The following UVSSA variants were observed in gnomAD, a reference collection of about 807,000 sequenced individuals.
UVSSA encodes UV-stimulated scaffold protein A.
In UVSSA, 72 loss-of-function variants were observed where a neutral mutation model predicts 73.9. That is an observed-to-expected ratio of 0.97 (90% CI 0.81 to 1.19). The LOEUF (loss-of-function observed/expected upper bound fraction) is 1.19. UVSSA is among the 50% of genes most tolerant of loss of function. The pLI, the probability that UVSSA is intolerant of heterozygous loss-of-function variation, is 0.00. For synonymous variants in UVSSA, 454 were observed against 391.3 expected (o/e 1.16, Z -1.89); for missense variants, 1,150 against 965.0 (o/e 1.19, Z -2.54).
At chr4:1,367,965 G>C (rs567497185) in intron 8 of UVSSA, among the ~76,000 whole-genome samples, 22 of 152,388 alleles carry the variant, frequency 1.4e-4, no homozygotes, top group Admixed American at 2.0e-4. Context: ...GGGGGTGCCT[G>C]AGCACACCGT....
chr4:1,375,619 G>T (rs1577360745), intron 9 of UVSSA, 111 bp downstream of exon 9: 1 of 1,486,836 alleles, frequency 6.7e-7, no homozygotes, highest in East Asian at 2.3e-5. Context: ...TGGATATCTT[G>T]GTGGAAGCCT....
At chr4:1,383,332 CACAGTT>C (rs1204389968) in intron 12 of UVSSA, among the ~76,000 whole-genome samples, 9 of 152,226 alleles carry the variant, frequency 5.9e-5, no homozygotes, top group African/African-American at 1.9e-4. Context: ...CCAGCAGGGC[CACAGTT>C]TGCCTAGTGG....
At chr4:1,350,423 T>A (rs575082646) in intron 3 of UVSSA, among the ~76,000 whole-genome samples, 1 of 152,278 alleles carries the variant, frequency 6.6e-6, no homozygotes, top group African/African-American at 2.4e-5. Context: ...TGTGTGCCCT[T>A]GGAGTGCCCT....
chr4:1,394,930 C>T (rs759678207), exon 14 of UVSSA: 9 of 1,430,160 alleles, frequency 6.3e-6, no homozygotes, highest in African/African-American at 1.6e-5. Context: ...CCTGCTCACA[C>T]GTGCCCATGC....
chr4:1,375,564 G>A (rs1718666246), intron 9 of UVSSA, 56 bp downstream of exon 9: 4 of 1,574,826 alleles, frequency 2.5e-6, no homozygotes, highest in Non-Finnish European at 3.4e-6. Context: ...CACAGCCTCT[G>A]CCCAGAGCAC....
chr4:1,344,582 C>T (rs1713545350), upstream of UVSSA, among the ~76,000 whole-genome samples: 1 of 152,166 alleles, frequency 6.6e-6, no homozygotes, highest in Non-Finnish European at 1.5e-5. Context: ...TCGTCTAACT[C>T]TCATCATGAT....
rs1717026244 is a variant in UVSSA at position 1,364,327 on chromosome 4, G to A, written c.1177-1993G>A. On this transcript the variant is annotated intron_variant, in intron 7 of 13. Transcript: ENST00000389851. ...CATTGTGTGGCCTGGCTCCGTGGGG[G>A]CCACCTCCCCGCACGGTGCTGGTGC... 1.3e-5 allele frequency among the ~76,000 whole-genome samples: 2 copies of A among 148,352 alleles called. 1 individual carries two copies. Among genetic ancestry groups the A allele is most frequent in the African/African-American group, 5.0e-5 (2 of 40,202 alleles).
chr4:1,350,236 G>T (rs1394242834), intron 3 of UVSSA, among the ~76,000 whole-genome samples: 1 of 152,162 alleles, frequency 6.6e-6, no homozygotes, highest in Non-Finnish European at 1.5e-5. Flanking sequence ...GCACTTTAAG[G>T]CTCCACCCGC....
In UVSSA at chr4:1,376,068, C is replaced by T. The variant is rs1718728662; in HGVS notation, c.1468C>T (p.Gln490Ter). 6.2e-7 allele frequency: 1 copy of T among 1,601,128 alleles called. No homozygotes were observed. The highest frequency in any genetic ancestry group is 1.1e-5 in the South Asian group (1 of 89,062). ...AGCGTTGCCAGAGCCACAGGAGGCC[C>T]AGAAGCTGGCAGCAGAGCGGGCCCG... is the stretch of plus-strand genomic sequence containing the variant. ...SRALPEPQEAQKLAAERARAP... is the reference protein window; with the variant it reads ...SRALPEPQEA The change falls in exon 10 of 14, where the codon CAG becomes TAG. Residue 490 changes from glutamine to a stop codon, truncating the protein, a stop_gained. Coordinates refer to ENST00000389851, the MANE Select transcript of UVSSA (RefSeq NM_020894.4). LOFTEE classifies it high-confidence loss of function.
chr4:1,363,790 G>A (rs1307818734), intron 7 of UVSSA, among the ~76,000 whole-genome samples: 1 of 152,244 alleles, frequency 6.6e-6, no homozygotes, highest in Non-Finnish European at 1.5e-5. Context: ...ACGTTTCACA[G>A]GTCAGCGGTG....
chr4:1,389,729 C>T (rs1720359962), downstream of UVSSA: 2 of 151,818 alleles, frequency 1.3e-5, no homozygotes. Flanking sequence ...CTGTGTTGTC[C>T]AGGCTGATCT....
At chr4:1,348,905 C>T (rs570592262) in intron 2 of UVSSA, among the ~76,000 whole-genome samples, 33 of 152,288 alleles carry the variant, frequency 2.2e-4, no homozygotes, top group African/African-American at 6.5e-4. Context: ...CTAGGCCTTC[C>T]TTCCTTCCTG....
exon 14 of UVSSA, chr4:1,395,941 G>A: frequency 6.5e-7 from 1 of 1,537,954 alleles, no homozygotes; most frequent in South Asian, 1.3e-5. Context: ...TTTCGTATCA[G>A]ACCTTTTAAT....
At chr4:1,395,796 A>G in exon 14 of UVSSA, 2 of 1,614,178 alleles carry the variant, frequency 1.2e-6, no homozygotes, top group Non-Finnish European at 1.7e-6. Flanking sequence ...TGGCTTTTTA[A>G]TACGTTTTTA....
chr4:1,373,873 T>G (rs1253532838), intron 8 of UVSSA, among the ~76,000 whole-genome samples: 1 of 152,234 alleles, frequency 6.6e-6, no homozygotes. Context: ...CCTCTGCACC[T>G]GACAATTTTC....
At position 1,351,766 on chromosome 4, in the gene UVSSA, G is replaced by C. The variant is rs781124970; in HGVS notation, c.481G>C (p.Glu161Gln). 1.9e-6 allele frequency: 3 copies of C among 1,613,686 alleles called. No individual in the cohort carries two copies. Among genetic ancestry groups the C allele is most frequent in the Admixed American group, 1.7e-5 (1 of 60,024 alleles). The change falls in exon 4 of 14, where the codon GAG (glutamate) becomes CAG (glutamine). Residue 161 changes from glutamate (E) to glutamine (Q), a missense_variant. Glu to Gln is a conservative substitution (Grantham distance 29). Coordinates refer to ENST00000389851, the MANE Select transcript of UVSSA (RefSeq NM_020894.4). ...ARSLAERKREEEKQKHLDKIY... is the reference protein window; with the variant it reads ...ARSLAERKREQEKQKHLDKIY... ...GAGTCTGGCAGAAAGGAAGAGAGAA[G>C]AGGAGAAGCAGAAGCACTTGGATAA... is the stretch of plus-strand genomic sequence containing the variant.
rs1393700409 is a variant in UVSSA, at chr4:1,376,066, C to T, written c.1466C>T (p.Ala489Val). The T allele has an allele frequency of 1.2e-6, 2 of 1,600,952 alleles. No homozygotes were observed. Among genetic ancestry groups the T allele is most frequent in the Non-Finnish European group, 1.7e-6 (2 of 1,174,608 alleles). Residue 489 changes from alanine to valine, a missense_variant, in exon 10 of 14, where the codon GCC becomes GTC. Coordinates refer to ENST00000389851, the MANE Select transcript of UVSSA (RefSeq NM_020894.4). ...PSRALPEPQE[A>V]QKLAAERARA... ...AGAGCGTTGCCAGAGCCACAGGAGG[C>T]CCAGAAGCTGGCAGCAGAGCGGGCC... is the stretch of plus-strand genomic sequence containing the variant.
At chr4:1,385,532 G>A in intron 13 of UVSSA, 1 of 330,358 alleles carries the variant, frequency 3.0e-6, no homozygotes, top group East Asian at 6.4e-5. Context: ...CCGCTCCCCG[G>A]GAGGCCAAGG....
At chr4:1,355,292 G>C (rs377077145) in intron 7 of UVSSA, 47 bp downstream of exon 7, 141 of 1,547,340 alleles carry the variant, frequency 9.1e-5, no homozygotes, top group Admixed American at 6.0e-4. Flanking sequence ...AGGCCTCAGT[G>C]GGGGAGGAGA....
Sources: allele counts gnomAD v4.1 joint callset (sites outside exome capture counted in the v4.1 genomes callset), GRCh38; gene constraint gnomAD v4.1.1; transcripts MANE v1.5; gene names NCBI Gene and HGNC (gene_info 2026-07-23, HGNC 2026-07-21).